Variants in PCDHGB5 observed in about 807,000 individuals in gnomAD.
PCDHGB5 encodes the protein protocadherin gamma-B5.
A neutral mutation model predicts 62.9 loss-of-function variants in PCDHGB5; 48 were observed. The observed-to-expected ratio is 0.76, with a 90% CI of 0.61 to 0.97. The LOEUF is 0.97. Among genes scored for constraint, PCDHGB5 ranks in the 50% least tolerant of loss-of-function variants. PCDHGB5 has a pLI of 0.00. For missense variants in PCDHGB5, 1,118 were observed against 1,198.6 expected, an observed-to-expected ratio of 0.93 and a Z score of 0.99; for synonymous variants, 474 against 511.2, an observed-to-expected ratio of 0.93 and a Z score of 0.98.
rs1414210927 is a variant in PCDHGB5, at chr5:141,477,460, C to G, written c.2398-17347C>G. 1.9e-6 allele frequency: 3 copies of G among 1,614,014 alleles called. No homozygotes were observed. The highest frequency in any genetic ancestry group is 2.5e-6 in the Non-Finnish European group (3 of 1,180,028). On this transcript the variant is annotated intron_variant, in intron 1 of 3. Transcript: ENST00000617380. The surrounding 1 kb of genome is among the most constrained non-coding windows in gnomAD (Gnocchi z 4.9). ...TTACAATAGTGCGTGTTCAAGTGTC[C>G]GACATCAATGACAACCCTCCACAAT...
intron 1 of PCDHGB5, chr5:141,441,114 T>A (rs1239606502): frequency 6.6e-6 from 1 of 152,218 alleles, no homozygotes; most frequent in Non-Finnish European, 1.5e-5. Context: ...TTGTCCAGTG[T>A]ACAGTTGAGA....
intron 3 of PCDHGB5, among the ~76,000 whole-genome samples, chr5:141,506,189 G>A (rs529165145): frequency 3.6e-4 from 55 of 152,262 alleles, no homozygotes; most frequent in African/African-American, 1.1e-3. Flanking sequence ...GGTGGCTCAC[G>A]CCTGTAATCC....
At chr5:141,478,137 G>C (rs762316494) in intron 1 of PCDHGB5, 1 of 1,613,872 alleles carries the variant, frequency 6.2e-7, no homozygotes, top group South Asian at 1.1e-5. Context: ...CCTGAAGCCC[G>C]AGCCGAGTTC....
At chr5:141,419,527 C>T (rs755936657) in intron 1 of PCDHGB5, 4 of 1,612,064 alleles carry the variant, frequency 2.5e-6, no homozygotes, top group Non-Finnish European at 2.5e-6. Context: ...GCGACCGTAA[C>T]GACAACGCAC....
chr5:141,405,477 T>A, intron 1 of PCDHGB5: 1 of 1,025,232 alleles, frequency 9.8e-7, no homozygotes, highest in Non-Finnish European at 1.4e-6. Context: ...TGGAATGCAG[T>A]GGTGTGATCT....
chr5:141,439,796 G>A (rs980000701), intron 1 of PCDHGB5: 1 of 152,318 alleles, frequency 6.6e-6, no homozygotes. Flanking sequence ...AATCCAAGAA[G>A]AGTTTGAAAA....
chr5:141,467,781 C>T (rs2099151581), intron 1 of PCDHGB5, among the ~76,000 whole-genome samples: 1 of 152,228 alleles, frequency 6.6e-6, no homozygotes, highest in South Asian at 2.1e-4. Context: ...ACCTCAGCCT[C>T]TCAAGTAGCT....
At position 141,486,905 on chromosome 5, in the gene PCDHGB5, C is replaced by G. The variant is rs1463391292; in HGVS notation, c.2398-7902C>G. On this transcript the variant is annotated intron_variant, in intron 1 of 3. Coordinates refer to ENST00000617380, the MANE Select transcript of PCDHGB5 (RefSeq NM_018925.3). This position sits in a 1 kb window ranked among gnomAD's most constrained non-coding sequence, Gnocchi z 5.0. ...GGCCCGGCCTGGTTCCTTATGTCCC[C>G]AAGCACTGCCTCCATCAGTTGGTGC... 1 of 1,614,250 alleles carries G rather than the reference C, an allele frequency of 6.2e-7. No individual in the cohort carries two copies. The highest frequency in any genetic ancestry group is 1.3e-5 in the African/African-American group (1 of 75,066).
chr5:141,400,174 G>T lies in PCDHGB5; in HGVS notation c.2047G>T (p.Glu683Ter). Residue 683 changes from glutamate (E) to a stop codon, truncating the protein, a stop_gained, in exon 1 of 4, where the codon GAG becomes TAG. Coordinates refer to ENST00000617380, the MANE Select transcript of PCDHGB5 (RefSeq NM_018925.3). LOFTEE classifies it high-confidence loss of function. ...DRPVPSDPQA[E>*]LQFYLVVALA... ...CCCTGTACCCTCTGACCCCCAGGCTGAGCTGCAGTTTTACCTAGTGGTGGC... is the reference window on the plus strand; with the variant it reads ...CCCTGTACCCTCTGACCCCCAGGCTTAGCTGCAGTTTTACCTAGTGGTGGC... The T allele has an allele frequency of 6.2e-7, 1 of 1,614,076 alleles. No homozygotes were observed. Among genetic ancestry groups the T allele is most frequent in the Non-Finnish European group, 8.5e-7 (1 of 1,179,910 alleles).
chr5:141,441,993 G>T (rs577673608), intron 1 of PCDHGB5: 16 of 251,180 alleles, frequency 6.4e-5, no homozygotes, highest in East Asian at 3.9e-4. Flanking sequence ...CACCGACGAG[G>T]TGCTGACAGC....
At chr5:141,415,259 T>A (rs778452630) in intron 1 of PCDHGB5, 5 of 1,614,226 alleles carry the variant, frequency 3.1e-6, no homozygotes, top group Admixed American at 1.7e-5. Flanking sequence ...GACCTCACTC[T>A]GTACCTGGTG....
intron 1 of PCDHGB5, among the ~76,000 whole-genome samples, chr5:141,443,609 T>C (rs2098396115): frequency 1.3e-5 from 2 of 152,260 alleles, no homozygotes; most frequent in African/African-American, 4.8e-5. Flanking sequence ...GAAATGTTCT[T>C]ATAATCAGGT....
chr5:141,448,192 TACAAAC>T (rs2098573842), intron 1 of PCDHGB5, among the ~76,000 whole-genome samples: 1 of 152,188 alleles, frequency 6.6e-6, no homozygotes, highest in Non-Finnish European at 1.5e-5. Flanking sequence ...TATGTACACT[TACAAAC>T]ATTTTCTGTG....
chr5:141,446,558 T>G (rs1413501675), intron 1 of PCDHGB5, among the ~76,000 whole-genome samples: 3 of 151,788 alleles, frequency 2.0e-5, no homozygotes, highest in Non-Finnish European at 1.5e-5. Flanking sequence ...CTCACTGCAA[T>G]CTCTGCCTCC....
chr5:141,466,992 A>ATTT (rs985433044), intron 1 of PCDHGB5, among the ~76,000 whole-genome samples: 1 of 148,706 alleles, frequency 6.7e-6, no homozygotes, highest in African/African-American at 2.5e-5. Flanking sequence ...ACCTTTTGGC[A>ATTT]TTTTTTTGCA....
At chr5:141,404,593 A>G in intron 1 of PCDHGB5, 1 of 1,614,080 alleles carries the variant, frequency 6.2e-7, no homozygotes, top group Non-Finnish European at 8.5e-7. Context: ...GCAATGTGTC[A>G]TTGAGACTGT....
At chr5:141,460,985 A>G (rs553462661) in intron 1 of PCDHGB5, among the ~76,000 whole-genome samples, 245 of 91,804 alleles carry the variant, frequency 2.7e-3, no homozygotes, top group Middle Eastern at 5.0e-3. Context: ...GTGTGTGTGT[A>G]TATATATATA....
chr5:141,482,995 G>A (rs1395482427), intron 1 of PCDHGB5, among the ~76,000 whole-genome samples: 1 of 152,048 alleles, frequency 6.6e-6, no homozygotes, highest in Non-Finnish European at 1.5e-5. Flanking sequence ...CGAGGCAGGA[G>A]AATTGCTTGA....
chr5:141,408,390 C>T (rs375719639), intron 1 of PCDHGB5: 1 of 1,613,902 alleles, frequency 6.2e-7, no homozygotes, highest in East Asian at 2.2e-5. Context: ...GATGTGTCGG[C>T]TCGCAAGCTG....
Sources: allele counts gnomAD v4.1 joint callset (sites outside exome capture counted in the v4.1 genomes callset), GRCh38; gene constraint gnomAD v4.1.1; non-coding constraint Gnocchi (gnomAD v3.1); transcripts MANE v1.5; gene names NCBI Gene and HGNC (gene_info 2026-07-23, HGNC 2026-07-21).